PDE10A: variants seen among roughly 807,000 people sequenced by gnomAD.
PDE10A encodes phosphodiesterase 10A, also known as cAMP and cAMP-inhibited cGMP 3',5'-cyclic phosphodiesterase 10A.
PDE10A carries 39 observed loss-of-function variants against 97.7 expected under a neutral mutation model. The ratio of observed to expected loss-of-function variants is 0.40; its 90% confidence interval spans 0.31 to 0.52. The LOEUF (loss-of-function observed/expected upper bound fraction) is 0.52. PDE10A is among the 20% of genes least tolerant of loss of function. The probability of loss-of-function intolerance (pLI) is 0.56; values close to 1 mark genes in which losing one functional copy is unlikely to be tolerated. For missense variants in PDE10A, 731 were observed against 1,047.8 expected (o/e 0.70, Z 4.17); for synonymous variants, 371 against 376.8 (o/e 0.98, Z 0.18).
chr6:165,343,956 G>A (rs994826358), intron 18 of PDE10A, among the ~76,000 whole-genome samples: 1 of 152,182 alleles, frequency 6.6e-6, no homozygotes, highest in African/African-American at 2.4e-5. Context: ...CTTTTCTAAA[G>A]GGACAGGAAT....
At chr6:165,804,199 G>C (rs1779053983) in intron 1 of PDE10A, among the ~76,000 whole-genome samples, 1 of 152,120 alleles carries the variant, frequency 6.6e-6, no homozygotes, top group South Asian at 2.1e-4. Flanking sequence ...GGTGTATTTG[G>C]GGGGTGGGCT....
At chr6:165,504,305 A>G (rs1296695762) in intron 2 of PDE10A, among the ~76,000 whole-genome samples, 1 of 152,220 alleles carries the variant, frequency 6.6e-6, no homozygotes, top group Non-Finnish European at 1.5e-5. Flanking sequence ...AAAACTATAA[A>G]AAATACTATG....
chr6:165,653,519 G>A lies in PDE10A; in HGVS notation c.865+8428C>T, dbSNP rs542106701. Among the ~76,000 whole-genome samples, 82 of 152,286 alleles carry A rather than the reference G, an allele frequency of 5.4e-4. 2 individuals carry two copies. In the South Asian group the frequency reaches 0.014, roughly 27 times the overall value. ...CGCTGAATCACACTGAGGAAGTGGA[G>A]AGAGACAGAGCAGAAAGGCCAGAGA... On this transcript the variant is annotated intron_variant, in intron 1 of 21. Coordinates refer to ENST00000539869, the MANE Select transcript of PDE10A (RefSeq NM_001385079.1).
At position 165,505,721 on chromosome 6, in the gene PDE10A, G is replaced by C. The variant is rs552694192; in HGVS notation, c.995-23378C>G. ...GGGGCCTAAATTCTTTTGAGGTAAAGCCATAGAGCTTCTCTCAGAGAAAAC... is the reference window on the plus strand; with the variant it reads ...GGGGCCTAAATTCTTTTGAGGTAAACCCATAGAGCTTCTCTCAGAGAAAAC... On this transcript the variant is annotated intron_variant, in intron 2 of 21. Transcript: ENST00000539869. Among the ~76,000 whole-genome samples, 10 of 152,168 alleles carry C rather than the reference G, an allele frequency of 6.6e-5. No homozygotes were observed. In the South Asian group the frequency reaches 1.7e-3, roughly 25 times the overall value.
At chr6:165,341,980 G>C (rs1781997363) in intron 19 of PDE10A, among the ~76,000 whole-genome samples, 1 of 152,122 alleles carries the variant, frequency 6.6e-6, no homozygotes, top group Non-Finnish European at 1.5e-5. Context: ...AATTATTACA[G>C]TACTGCCGTA....
chr6:165,410,589 T>C (rs1388421526), intron 13 of PDE10A, among the ~76,000 whole-genome samples: 1 of 152,142 alleles, frequency 6.6e-6, no homozygotes, highest in Non-Finnish European at 1.5e-5. Flanking sequence ...ATAAACTCTC[T>C]TCTAAAGAAG....
At chr6:165,907,404 C>T (rs902610035) in intron 1 of PDE10A, among the ~76,000 whole-genome samples, 1 of 152,256 alleles carries the variant, frequency 6.6e-6, no homozygotes, top group African/African-American at 2.4e-5. Context: ...AGCTGCCCTT[C>T]CCGGGAGCCT....
chr6:165,633,417 T>C (rs1421744068), intron 1 of PDE10A, among the ~76,000 whole-genome samples: 1 of 152,148 alleles, frequency 6.6e-6, no homozygotes, highest in Non-Finnish European at 1.5e-5. Context: ...ACCTATACAT[T>C]AACTTTTCTT....
chr6:165,911,314 C>G (rs1018094043), intron 1 of PDE10A, among the ~76,000 whole-genome samples: 1 of 152,178 alleles, frequency 6.6e-6, no homozygotes, highest in Admixed American at 6.5e-5. Context: ...AATAGTTCCC[C>G]AAAGGGCAGC....
At chr6:165,736,919 A>G (rs546757093) in intron 1 of PDE10A, among the ~76,000 whole-genome samples, 23 of 152,320 alleles carry the variant, frequency 1.5e-4, no homozygotes, top group African/African-American at 5.3e-4. Flanking sequence ...GTTGACTAAC[A>G]AAAAAGAGCA....
intron 1 of PDE10A, among the ~76,000 whole-genome samples, chr6:165,560,700 A>C (rs1784476959): frequency 6.6e-6 from 1 of 152,234 alleles, no homozygotes; most frequent in South Asian, 2.1e-4. Flanking sequence ...AAAAACTGTA[A>C]CTGCTGACAG....
chr6:165,519,302 C>T (rs1286795082), intron 2 of PDE10A, among the ~76,000 whole-genome samples: 1 of 151,894 alleles, frequency 6.6e-6, no homozygotes, highest in African/African-American at 2.4e-5. Context: ...ATTGAGATAT[C>T]ATTAAACAAA....
At chr6:165,477,541 G>C (rs770408269) in intron 3 of PDE10A, among the ~76,000 whole-genome samples, 1 of 152,180 alleles carries the variant, frequency 6.6e-6, no homozygotes, top group Non-Finnish European at 1.5e-5. Context: ...GAATGACAAT[G>C]ACTGATTAGA....
intron 10 of PDE10A, among the ~76,000 whole-genome samples, chr6:165,422,161 C>T (rs979761786): frequency 2.6e-5 from 4 of 152,056 alleles, no homozygotes; most frequent in Non-Finnish European, 4.4e-5. Context: ...TTTGAAATGA[C>T]CCTCAGATGC....
intron 19 of PDE10A, among the ~76,000 whole-genome samples, chr6:165,342,122 G>A (rs1183601970): frequency 2.0e-5 from 3 of 152,016 alleles, no homozygotes; most frequent in African/African-American, 7.3e-5. Context: ...ATATTTTATG[G>A]TAGTAAATGA....
At chr6:165,566,036 G>T (rs6924284) in intron 1 of PDE10A, among the ~76,000 whole-genome samples, 30,642 of 152,068 alleles carry the variant, frequency 0.2, 3,561 homozygotes, top group African/African-American at 0.31. Flanking sequence ...TTACTTTTTA[G>T]AAGCAACACA....
chr6:165,356,221 A>T (rs1783015942), intron 18 of PDE10A, among the ~76,000 whole-genome samples: 1 of 152,126 alleles, frequency 6.6e-6, no homozygotes, highest in Admixed American at 6.6e-5. Context: ...TTAGGTGGGG[A>T]CACAGCCAAA....
intron 1 of PDE10A, among the ~76,000 whole-genome samples, chr6:165,765,802 C>A (rs113340561): frequency 2.0e-5 from 3 of 152,286 alleles, no homozygotes; most frequent in African/African-American, 7.2e-5. Flanking sequence ...AGGAGGCACC[C>A]AGAGTGAGCG....
chr6:165,932,752 A>T (rs965273076), intron 1 of PDE10A, among the ~76,000 whole-genome samples: 2 of 152,240 alleles, frequency 1.3e-5, no homozygotes, highest in African/African-American at 4.8e-5. Context: ...GATTACAGGC[A>T]TGAGCCACCA....
Sources: allele counts gnomAD v4.1 joint callset (sites outside exome capture counted in the v4.1 genomes callset), GRCh38; gene constraint gnomAD v4.1.1; transcripts MANE v1.5; gene names NCBI Gene and HGNC (gene_info 2026-07-23, HGNC 2026-07-21).